ZMYM1: variants seen among roughly 807,000 people sequenced by gnomAD.
The protein encoded by ZMYM1 is zinc finger MYM-type containing 1, also known as zinc finger MYM-type protein 1.
ZMYM1 carries 39 observed loss-of-function variants against 60.0 expected under a neutral mutation model. That is an observed-to-expected ratio of 0.65 (90% CI 0.50 to 0.85). ZMYM1 has a LOEUF of 0.85. Ranked by LOEUF, ZMYM1 falls within the 40% of genes least tolerant of loss-of-function variation. The pLI is 0.00. For synonymous variants in ZMYM1, 413 were observed against 454.0 expected (o/e 0.91, Z 1.15); for missense variants, 1,171 against 1,309.5 (o/e 0.89, Z 1.63).
chr1:35,063,617 A>G (rs79116123), intron 1 of ZMYM1, among the ~76,000 whole-genome samples: 8,603 of 152,196 alleles, frequency 0.057, 543 homozygotes, highest in East Asian at 0.38. Context: ...TCTAAATTCT[A>G]TCGTCCGGAA....
At chr1:35,060,959 C>T (rs1641864212) in intron 1 of ZMYM1, among the ~76,000 whole-genome samples, 1 of 152,332 alleles carries the variant, frequency 6.6e-6, no homozygotes, top group South Asian at 2.1e-4. Context: ...CTGGGCCCAC[C>T]TGGAACAGGG....
Position 35,060,621 on chromosome 1 carries a change from G to A in ZMYM1, c.-301+696G>A, listed in dbSNP as rs151030630. ...GCTCTCAGTCTGTGCTGCCTCCTTC[G>A]CCCCTCCTCTCCTGCTGTGTCCTCA... On this transcript the variant is annotated intron_variant, in intron 1 of 10. Transcript: ENST00000417119. Among the ~76,000 whole-genome samples, 908 of 152,196 alleles carry A rather than the reference G, an allele frequency of 6.0e-3. 2 individuals carry two copies. The highest frequency in any genetic ancestry group is 0.01 in the Non-Finnish European group (711 of 67,992).
At position 35,115,420 on chromosome 1, in the gene ZMYM1, T is replaced by A; in HGVS notation, c.*161T>A. ...TTCCCAAAAAGTGTTATCTTTTCCT[T>A]AAATATCCCTCTAGAGGTATTTTTC... On this transcript the variant is annotated 3_prime_UTR_variant, in exon 10 of 10. Coordinates refer to ENST00000359858, the MANE Select transcript of ZMYM1 (RefSeq NM_024772.5). The A allele has an allele frequency of 3.8e-6, 3 of 794,336 alleles. No homozygotes were observed. Among genetic ancestry groups the A allele is most frequent in the Non-Finnish European group, 5.6e-6 (3 of 531,026 alleles). 49.2% of individuals were successfully genotyped at this position (794,336 alleles called of 1,614,324 possible).
intron 1 of ZMYM1, among the ~76,000 whole-genome samples, chr1:35,066,120 A>C (rs1641968067): frequency 6.6e-6 from 1 of 152,222 alleles, no homozygotes; most frequent in Admixed American, 6.5e-5. Flanking sequence ...CAACTAATAA[A>C]TATGTTTAGT....
At chr1:35,116,895 G>A (rs1335901139), downstream of ZMYM1, among the ~76,000 whole-genome samples, 1 of 144,974 alleles carries the variant, frequency 6.9e-6, no homozygotes, top group Non-Finnish European at 1.5e-5. Context: ...CCAGGCGGGA[G>A]TGCTGTGGCG....
At chr1:35,085,078 C>T (rs946028379) in intron 1 of ZMYM1, among the ~76,000 whole-genome samples, 1 of 151,806 alleles carries the variant, frequency 6.6e-6, no homozygotes, top group Non-Finnish European at 1.5e-5. Flanking sequence ...GACAGAGTCT[C>T]GCTCTGTCGC....
downstream of ZMYM1, among the ~76,000 whole-genome samples, chr1:35,116,835 ATT>A (rs10671957): frequency 9.1e-3 from 809 of 88,956 alleles, 9 homozygotes; most frequent in African/African-American, 0.035. Flanking sequence ...TAGGCCTGGA[ATT>A]TTTTTTTTTT....
At chr1:35,112,703 G>A (rs1413690851) in intron 9 of ZMYM1, among the ~76,000 whole-genome samples, 2 of 148,284 alleles carry the variant, frequency 1.3e-5, no homozygotes, top group Non-Finnish European at 3.0e-5. Context: ...TTTTCCTCTG[G>A]GTTCTTCTTT....
intron 1 of ZMYM1, among the ~76,000 whole-genome samples, chr1:35,062,344 C>T (rs968686715): frequency 2.6e-5 from 4 of 152,202 alleles, no homozygotes; most frequent in Non-Finnish European, 5.9e-5. Flanking sequence ...TTGCTCTTTT[C>T]TGCCTTAAAT....
intron 1 of ZMYM1, among the ~76,000 whole-genome samples, chr1:35,071,504 T>C (rs1232025004): frequency 6.6e-6 from 1 of 151,926 alleles, no homozygotes; most frequent in African/African-American, 2.4e-5. Context: ...GGCTAACTTT[T>C]CTAATTTTTT....
intron 4 of ZMYM1, among the ~76,000 whole-genome samples, chr1:35,098,757 A>C (rs1383094235): frequency 6.6e-6 from 1 of 152,166 alleles, no homozygotes; most frequent in African/African-American, 2.4e-5. Flanking sequence ...ATACAAAAAA[A>C]TTAGCTGAGC....
At chr1:35,105,190 G>A (rs796340178) in intron 6 of ZMYM1, among the ~76,000 whole-genome samples, 9 of 138,674 alleles carry the variant, frequency 6.5e-5, no homozygotes, top group South Asian at 2.3e-4. Flanking sequence ...GCTGGAGTGC[G>A]GTGGCGCGAT....
Position 35,104,317 on chromosome 1 carries a change from G to A in ZMYM1, c.442G>A (p.Val148Met), listed in dbSNP as rs994205505. 1.9e-6 allele frequency: 3 copies of A among 1,595,014 alleles called. No homozygotes were observed. The African/African-American group carries it at 4.1e-5, about 22-fold the overall frequency. Reference protein sequence around the residue: ...CSKDILNPKDVISVQLEDTTS... With the variant: ...CSKDILNPKDMISVQLEDTTS... Reference sequence around the variant, plus strand: ...TAGAGACATTTTAAATCCAAAGGATGTGATTAGTGTCCAGCTGGAAGACAC... The same window carrying A: ...TAGAGACATTTTAAATCCAAAGGATATGATTAGTGTCCAGCTGGAAGACAC... Residue 148 changes from valine to methionine, a missense_variant, in exon 5 of 10, where the codon GTG becomes ATG. Transcript: ENST00000359858.
At chr1:35,104,233 T>A in intron 4 of ZMYM1, 62 bp from the exon 5 acceptor site, 4 of 1,381,868 alleles carry the variant, frequency 2.9e-6, no homozygotes, top group Non-Finnish European at 3.9e-6. Context: ...TCATTTCATT[T>A]ATAAAGAGAA....
chr1:35,113,969 C>G lies in ZMYM1; in HGVS notation c.2139C>G (p.Gly713=), dbSNP rs756180514. 29 of 1,613,300 alleles carry G rather than the reference C, an allele frequency of 1.8e-5. No individual in the cohort carries two copies. Among genetic ancestry groups the G allele is most frequent in the Non-Finnish European group, 2.5e-5 (29 of 1,179,788 alleles). ...QIGVDMDKIH[G]QAYDSTTNLK... ...GAGTTGATATGGATAAAATACATGG[C>G]CAGGCCTATGATAGCACCACTAATT... Residue 713 remains glycine (G), a synonymous_variant, in exon 10 of 10, where the codon GGC becomes GGG. Transcript: ENST00000359858.
At chr1:35,078,169 T>C (rs1215594137), upstream of ZMYM1, among the ~76,000 whole-genome samples, 1 of 152,190 alleles carries the variant, frequency 6.6e-6, no homozygotes, top group Non-Finnish European at 1.5e-5. Flanking sequence ...ATAATAAATG[T>C]TGGAGAAATT....
rs748234191 is a variant in ZMYM1 at position 35,110,371 on chromosome 1, T to C, written c.885T>C (p.Asp295=). 5 of 1,597,206 alleles carry C rather than the reference T, an allele frequency of 3.1e-6. No homozygotes were observed. In the South Asian group the frequency reaches 5.7e-5, roughly 18 times the overall value. Residue 295 remains aspartate (D), a synonymous_variant, in exon 7 of 10, where the codon GAT becomes GAC. Transcript: ENST00000359858. ...ATGAAATGATTGAGACTACGAGTGA[T>C]TTGGGGAAGACAGAGCTTTTCTGCT... The part of the protein sequence containing the change: ...PSDEMIETTS[D]LGKTELFCSI...
intron 4 of ZMYM1, among the ~76,000 whole-genome samples, chr1:35,101,583 A>C (rs1643660507): frequency 6.6e-6 from 1 of 150,842 alleles, no homozygotes; most frequent in Non-Finnish European, 1.5e-5. Flanking sequence ...TATGCCTCAA[A>C]TATCTTTACC....
chr1:35,093,472 G>A (rs550977302), intron 1 of ZMYM1: 1 of 152,196 alleles, frequency 6.6e-6, no homozygotes. Flanking sequence ...GCTAATTTTT[G>A]TATTAGTAGA....
Sources: gnomAD v4.1 joint callset for allele counts (sites outside exome capture counted in the v4.1 genomes callset) on GRCh38, gnomAD v4.1.1 for gene constraint, MANE v1.5 for transcripts, NCBI Gene and HGNC (gene_info 2026-07-23, HGNC 2026-07-21) for gene names.